ADAMTSL3: variants seen among roughly 807,000 people sequenced by gnomAD.
ADAMTSL3 encodes ADAMTS like 3, also known as ADAMTS-like protein 3.
ADAMTSL3 carries 128 observed loss-of-function variants against 201.7 expected under a neutral mutation model. That is an observed-to-expected ratio of 0.63 (90% CI 0.55 to 0.73). The LOEUF (loss-of-function observed/expected upper bound fraction) is 0.73, where lower values mean the gene tolerates loss of function less well. Among genes scored for constraint, ADAMTSL3 ranks in the 30% least tolerant of loss-of-function variants. ADAMTSL3 has a pLI of 0.00. For missense variants in ADAMTSL3, 1,990 were observed against 2,119.6 expected (o/e 0.94, Z 1.20); for synonymous variants, 738 against 748.4 (o/e 0.99, Z 0.23).
intron 6 of ADAMTSL3, among the ~76,000 whole-genome samples, chr15:83,829,519 T>C (rs1418244879): frequency 6.6e-6 from 1 of 152,244 alleles, no homozygotes; most frequent in Non-Finnish European, 1.5e-5. Context: ...TTTATGTCTC[T>C]ATCTCCTTCA....
intron 11 of ADAMTSL3, chr15:83,891,084 G>A (rs1388410564): frequency 2.3e-6 from 1 of 428,778 alleles, no homozygotes; most frequent in Admixed American, 4.0e-5. Context: ...TTTCTCCTTT[G>A]ATTAATATAC....
At chr15:83,905,468 G>A (rs769603644) in intron 15 of ADAMTSL3, among the ~76,000 whole-genome samples, 18 of 152,130 alleles carry the variant, frequency 1.2e-4, no homozygotes, top group Non-Finnish European at 2.4e-4. Flanking sequence ...GGTGAGGGGC[G>A]AGGAGGATGG....
chr15:83,804,768 A>G (rs1312373343), intron 5 of ADAMTSL3, 73 bp downstream of exon 5: 4 of 1,199,990 alleles, frequency 3.3e-6, no homozygotes, highest in Non-Finnish European at 2.3e-6. Context: ...TCCAATGTGT[A>G]CTCTAAAACT....
chr15:83,915,354 A>C (rs1174868415), intron 16 of ADAMTSL3, among the ~76,000 whole-genome samples: 1 of 152,178 alleles, frequency 6.6e-6, no homozygotes, highest in African/African-American at 2.4e-5. Flanking sequence ...GGTGAATTCT[A>C]ATTCAGCTGA....
chr15:83,907,402 T>C (rs1357817170), intron 15 of ADAMTSL3, among the ~76,000 whole-genome samples: 2 of 152,158 alleles, frequency 1.3e-5, no homozygotes, highest in Non-Finnish European at 2.9e-5. Context: ...TTGTTGTTGT[T>C]GTTGATGATT....
chr15:83,736,518 A>G (rs1460108662), intron 3 of ADAMTSL3, among the ~76,000 whole-genome samples: 1 of 152,242 alleles, frequency 6.6e-6, no homozygotes, highest in Non-Finnish European at 1.5e-5. Context: ...TGGGCAGTTT[A>G]TATACATGGA....
At chr15:83,948,411 T>TACACACACACACACACACAC (rs72124987) in intron 19 of ADAMTSL3, among the ~76,000 whole-genome samples, 34 of 145,740 alleles carry the variant, frequency 2.3e-4, no homozygotes, top group African/African-American at 8.4e-4. Flanking sequence ...AAAGCTTATT[T>TACACACACACACACACACAC]ACACACACAC....
rs1167519753 is a variant in ADAMTSL3, at chr15:84,031,444, A to G, written c.4754+12A>G. On this transcript the variant is annotated intron_variant, in intron 28 of 29. Transcript: ENST00000286744. ...GATGACAGAAAGAGGTAGGGGCCCC[A>G]CCCCAGAGCAGCACACATTCTCTCC... 6.2e-7 allele frequency: 1 copy of G among 1,612,112 alleles called. No individual in the cohort carries two copies. Among genetic ancestry groups the G allele is most frequent in the Admixed American group, 1.7e-5 (1 of 60,022 alleles).
intron 4 of ADAMTSL3, among the ~76,000 whole-genome samples, chr15:83,780,083 A>AT (rs2063142403): frequency 6.6e-6 from 1 of 151,928 alleles, no homozygotes; most frequent in African/African-American, 2.4e-5. Flanking sequence ...TCAGAGCTGA[A>AT]CTGAAGGAGA....
chr15:83,822,178 A>C (rs1289029273), intron 6 of ADAMTSL3, among the ~76,000 whole-genome samples: 2 of 112,328 alleles, frequency 1.8e-5, no homozygotes, highest in Non-Finnish European at 1.8e-5. Context: ...GCGGGGGCTG[A>C]CCCCCACCTC....
rs367857713 is a variant in ADAMTSL3, at chr15:83,800,926, T to C, written c.318-3724T>C. On this transcript the variant is annotated intron_variant, in intron 4 of 29. Transcript: ENST00000286744. ...TTTTGTTCATACGTAAAAAGCAAAATGAAGTAGGCCATGTAAGTGAATGAC... is the reference window on the plus strand; with the variant it reads ...TTTTGTTCATACGTAAAAAGCAAAACGAAGTAGGCCATGTAAGTGAATGAC... Among the ~76,000 whole-genome samples the C allele has an allele frequency of 6.6e-5, 10 of 152,314 alleles. No individual in the cohort carries two copies. The South Asian group carries it at 1.0e-3, about 16-fold the overall frequency.
chr15:83,944,368 G>T (rs1223880876), intron 19 of ADAMTSL3, among the ~76,000 whole-genome samples: 1 of 152,130 alleles, frequency 6.6e-6, no homozygotes, highest in African/African-American at 2.4e-5. Flanking sequence ...TATGTTATCA[G>T]TGTCTTGTAA....
chr15:83,838,327 TG>T, intron 7 of ADAMTSL3, 112 bp downstream of exon 7: 4 of 1,340,484 alleles, frequency 3.0e-6, no homozygotes, highest in African/African-American at 1.5e-5. Context: ...AAGTAGCTTT[TG>T]TACCAATTTT....
intron 23 of ADAMTSL3, among the ~76,000 whole-genome samples, chr15:84,013,370 G>A (rs1001072605): frequency 5.3e-5 from 8 of 152,174 alleles, no homozygotes; most frequent in East Asian, 1.9e-4. Flanking sequence ...AATAGCGGTC[G>A]CATCTATTTT....
intron 19 of ADAMTSL3, among the ~76,000 whole-genome samples, chr15:83,947,174 T>G (rs543749135): frequency 6.6e-6 from 1 of 150,670 alleles, no homozygotes; most frequent in South Asian, 2.2e-4. Context: ...CCTTCTGCCA[T>G]GGGATGGCTC....
At chr15:83,812,860 TCA>T (rs2063718731) in intron 5 of ADAMTSL3, among the ~76,000 whole-genome samples, 1 of 152,250 alleles carries the variant, frequency 6.6e-6, no homozygotes, top group Non-Finnish European at 1.5e-5. Flanking sequence ...AATGTAATCC[TCA>T]CACTAACCCT....
chr15:83,941,146 A>G (rs1197803717), intron 17 of ADAMTSL3, among the ~76,000 whole-genome samples: 1 of 151,784 alleles, frequency 6.6e-6, no homozygotes, highest in Non-Finnish European at 1.5e-5. Flanking sequence ...TTTATATTTA[A>G]TCTCCATACT....
chr15:83,899,501 C>T, intron 14 of ADAMTSL3, 146 bp from the exon 15 acceptor site: 1 of 619,142 alleles, frequency 1.6e-6, no homozygotes, highest in East Asian at 3.0e-5. Context: ...CCAGCAGCCA[C>T]CTAATGTATT....
At chr15:83,691,572 C>T (rs1333787136) in intron 2 of ADAMTSL3, among the ~76,000 whole-genome samples, 1 of 152,150 alleles carries the variant, frequency 6.6e-6, no homozygotes, top group Non-Finnish European at 1.5e-5. Context: ...ACTAATGAGT[C>T]CAATGTTTAT....
Sources: allele counts gnomAD v4.1 joint callset (sites outside exome capture counted in the v4.1 genomes callset), GRCh38; gene constraint gnomAD v4.1.1; transcripts MANE v1.5; gene names NCBI Gene and HGNC (gene_info 2026-07-23, HGNC 2026-07-21).